Variants in CDYL observed in about 807,000 individuals in gnomAD.
The protein encoded by CDYL is chromodomain Y-like protein.
Under a neutral mutation model 47.3 loss-of-function variants are expected in CDYL, and 8 were observed. The observed-to-expected ratio is 0.17, with a 90% CI of 0.10 to 0.31. The LOEUF (loss-of-function observed/expected upper bound fraction) is 0.31. Among genes scored for constraint, CDYL ranks in the 10% least tolerant of loss-of-function variants. CDYL has a pLI of 1.00. For missense variants in CDYL, 471 were observed against 701.4 expected, an observed-to-expected ratio of 0.67 and a Z score of 3.71; for synonymous variants, 266 against 265.0, an observed-to-expected ratio of 1.00 and a Z score of -0.04.
intron 1 of CDYL, among the ~76,000 whole-genome samples, chr6:4,786,603 G>C (rs1335801373): frequency 6.6e-6 from 1 of 152,146 alleles, no homozygotes; most frequent in African/African-American, 2.4e-5. Context: ...TTACTGCTAG[G>C]GGTTCAAGAG....
chr6:4,882,982 CCCATGAGATGTTA>C (rs1214234966), intron 1 of CDYL, among the ~76,000 whole-genome samples: 3 of 152,124 alleles, frequency 2.0e-5, no homozygotes, highest in Non-Finnish European at 2.9e-5. Flanking sequence ...CACGTGATAA[CCCATGAGATGTTA>C]CCATGACTGT....
At chr6:4,731,603 C>T (rs943587840) in intron 2 of CDYL, among the ~76,000 whole-genome samples, 15 of 151,932 alleles carry the variant, frequency 9.9e-5, no homozygotes, top group Non-Finnish European at 2.1e-4. Flanking sequence ...TCGAGACCAG[C>T]GCCTGGCCAA....
chr6:4,783,268 T>A (rs1758665928), intron 1 of CDYL, among the ~76,000 whole-genome samples: 1 of 151,762 alleles, frequency 6.6e-6, no homozygotes, highest in South Asian at 2.1e-4. Flanking sequence ...TTTTTAATTA[T>A]TATTATCTGG....
At chr6:4,947,988 T>C (rs1240600376) in intron 5 of CDYL, among the ~76,000 whole-genome samples, 2 of 152,194 alleles carry the variant, frequency 1.3e-5, no homozygotes, top group Non-Finnish European at 2.9e-5. Flanking sequence ...TCATTTGCTT[T>C]GTCCTTTACA....
chr6:4,900,520 A>G (rs1756995657), intron 2 of CDYL, among the ~76,000 whole-genome samples: 1 of 151,874 alleles, frequency 6.6e-6, no homozygotes, highest in African/African-American at 2.4e-5. Flanking sequence ...TTAGTCGGCA[A>G]CTTGCTATTG....
intron 1 of CDYL, among the ~76,000 whole-genome samples, chr6:4,711,169 T>C (rs1484007852): frequency 6.6e-6 from 1 of 152,172 alleles, no homozygotes; most frequent in African/African-American, 2.4e-5. Context: ...ACAGGGACCA[T>C]GGCTAAGATT....
chr6:4,799,945 G>C (rs961946758), intron 1 of CDYL, among the ~76,000 whole-genome samples: 9 of 152,004 alleles, frequency 5.9e-5, no homozygotes, highest in African/African-American at 2.2e-4. Flanking sequence ...TTTGTTTCTA[G>C]TAATACTTTT....
At chr6:4,920,891 G>A (rs1757693156) in intron 2 of CDYL, among the ~76,000 whole-genome samples, 1 of 152,196 alleles carries the variant, frequency 6.6e-6, no homozygotes, top group Non-Finnish European at 1.5e-5. Flanking sequence ...GCTGGGATTA[G>A]AGGCGTCAGC....
intron 5 of CDYL, among the ~76,000 whole-genome samples, chr6:4,945,170 A>G (rs531134253): frequency 1.3e-5 from 2 of 152,248 alleles, no homozygotes; most frequent in African/African-American, 4.8e-5. Flanking sequence ...GGTGAAATTC[A>G]CATCATGTTT....
At chr6:4,720,251 G>C (rs1489474148) in intron 2 of CDYL, among the ~76,000 whole-genome samples, 1 of 152,172 alleles carries the variant, frequency 6.6e-6, no homozygotes, top group African/African-American at 2.4e-5. Flanking sequence ...AATTTCACAA[G>C]GTTACAAAGC....
intron 2 of CDYL, among the ~76,000 whole-genome samples, chr6:4,913,545 G>A (rs186828310): frequency 6.6e-6 from 1 of 152,216 alleles, no homozygotes; most frequent in Non-Finnish European, 1.5e-5. Context: ...AGAAAGCCTG[G>A]TTGCATGACT....
rs151037988 is a variant in CDYL at position 4,929,061 on chromosome 6, T to G, written c.692-6454T>G. Among the ~76,000 whole-genome samples the G allele has an allele frequency of 2.8e-3, 429 of 152,314 alleles. 2 individuals are homozygous for G. The highest frequency in any genetic ancestry group is 7.6e-3 in the African/African-American group (318 of 41,574). ...TTTATTCCTTTGAATGTATTCAGGC[T>G]TCTGTCTGGTATTATTTTCCTTCTG... On this transcript the variant is annotated intron_variant, in intron 2 of 6. Coordinates refer to ENST00000397588, the MANE Select transcript of CDYL (RefSeq NM_004824.4).
chr6:4,731,723 C>T (rs1048396802), intron 2 of CDYL, among the ~76,000 whole-genome samples: 1 of 151,868 alleles, frequency 6.6e-6, no homozygotes, highest in African/African-American at 2.4e-5. Context: ...CACTTGAACC[C>T]CAGAGGCAGA....
At chr6:4,886,491 TC>T (rs1761903843) in intron 1 of CDYL, among the ~76,000 whole-genome samples, 2 of 152,232 alleles carry the variant, frequency 1.3e-5, no homozygotes, top group African/African-American at 2.4e-5. Flanking sequence ...TGAGCGTCTT[TC>T]CGTGTGCTTT....
chr6:4,889,360 A>C (rs1387528365), intron 1 of CDYL, among the ~76,000 whole-genome samples: 2 of 151,908 alleles, frequency 1.3e-5, no homozygotes, highest in African/African-American at 4.8e-5. Context: ...AGTAGCTGGG[A>C]CTACAGGTGT....
At position 4,806,107 on chromosome 6, in the gene CDYL, T is replaced by G. The variant is rs554953490; in HGVS notation, c.24+29300T>G. ...GCCGCAGGGACGCAAGACCTGCCAG[T>G]GCTGGACAGAGTGGCCATCCACAAA... On this transcript the variant is annotated intron_variant, in intron 1 of 6. Transcript: ENST00000397588. 1.2e-4 allele frequency among the ~76,000 whole-genome samples: 19 copies of G among 152,346 alleles called. No individual in the cohort carries two copies. The South Asian group carries it at 3.9e-3, about 32-fold the overall frequency.
chr6:4,876,010 A>G (rs1329494885), intron 1 of CDYL, among the ~76,000 whole-genome samples: 2 of 152,330 alleles, frequency 1.3e-5, no homozygotes, highest in African/African-American at 4.8e-5. Flanking sequence ...TACTGCAACC[A>G]GTTGCTTAGC....
chr6:4,859,606 A>C (rs1047634412), intron 1 of CDYL, among the ~76,000 whole-genome samples: 1 of 152,146 alleles, frequency 6.6e-6, no homozygotes, highest in Non-Finnish European at 1.5e-5. Context: ...AGGTAATTAG[A>C]TTATTTTGAT....
intron 1 of CDYL, among the ~76,000 whole-genome samples, chr6:4,807,324 A>T (rs1371374938): frequency 6.6e-6 from 1 of 152,170 alleles, no homozygotes; most frequent in Admixed American, 6.5e-5. Flanking sequence ...GGTTACGGGG[A>T]TGTCTGCCAA....
Sources: allele counts gnomAD v4.1 joint callset (sites outside exome capture counted in the v4.1 genomes callset), GRCh38; gene constraint gnomAD v4.1.1; transcripts MANE v1.5; gene names NCBI Gene and HGNC (gene_info 2026-07-23, HGNC 2026-07-21).